Variants in TEAD2 observed in about 807,000 individuals in gnomAD.
TEAD2 encodes TEA domain transcription factor 2, also known as transcriptional enhancer factor TEF-4.
In TEAD2, 51 loss-of-function variants were observed where a neutral mutation model predicts 61.4. The ratio of observed to expected loss-of-function variants is 0.83; its 90% CI spans 0.66 to 1.05. The LOEUF is 1.05. TEAD2 is among the 50% of genes least tolerant of loss of function. The pLI is 0.00. For synonymous variants in TEAD2, 244 were observed against 243.2 expected (o/e 1.00, Z -0.03); for missense variants, 509 against 600.0 (o/e 0.85, Z 1.58).
intron 10 of TEAD2, among the ~76,000 whole-genome samples, chr19:49,344,944 C>T (rs577002655): frequency 6.6e-6 from 1 of 152,336 alleles, no homozygotes; most frequent in Non-Finnish European, 1.5e-5. Context: ...TTGCGAGGCG[C>T]ACCTCTTCCT....
At chr19:49,355,912 A>C (rs1470324876) in intron 5 of TEAD2, 47 bp downstream of exon 5, 1 of 1,293,674 alleles carries the variant, frequency 7.7e-7, no homozygotes, top group Non-Finnish European at 9.8e-7. Flanking sequence ...GGGACAGGGC[A>C]CTAGTTTGGA....
chr19:49,346,765 A>C (rs1346901624), intron 10 of TEAD2, among the ~76,000 whole-genome samples: 1 of 152,228 alleles, frequency 6.6e-6, no homozygotes, highest in Non-Finnish European at 1.5e-5. Context: ...AGGTCTGGTG[A>C]AACTGATGCA....
At chr19:49,353,613 C>T (rs963419957) in intron 7 of TEAD2, among the ~76,000 whole-genome samples, 4 of 152,112 alleles carry the variant, frequency 2.6e-5, no homozygotes, top group African/African-American at 4.8e-5. Context: ...GAAACCCCAG[C>T]GTCAGGGCAG....
Position 49,360,943 on chromosome 19 carries a change from G to A in TEAD2, c.-6-862C>T, listed in dbSNP as rs1185187601. On this transcript the variant is annotated intron_variant, in intron 1 of 12. Coordinates refer to ENST00000593945, the MANE Select transcript of TEAD2 (RefSeq NM_001256660.2). ...AAGGGGACAGAGACCCAGTGAAGGG[G>A]GGGACAGAGACCAGTGACGGAGGGG... Among the ~76,000 whole-genome samples the A allele has an allele frequency of 3.8e-5, 5 of 130,700 alleles. No homozygotes were observed. The South Asian group carries it at 1.2e-3, about 31-fold the overall frequency. 85.7% of individuals were successfully genotyped at this position (130,700 alleles called of 152,430 possible). A position where few individuals can be genotyped will look rare whatever the true frequency, so the allele number is the denominator to read the frequency against.
Position 49,343,241 on chromosome 19 carries a change from T to C in TEAD2, c.1079A>G (p.Glu360Gly). 1 of 1,610,978 alleles carries C rather than the reference T, an allele frequency of 6.2e-7. No homozygotes were observed. ...CCCCTCCAGCCTCACCTCCACCTTC[T>C]CCACCACCTGCTTGCCAAAAGAGCA... ...KVCSFGKQVV[E>G]KVETERAQLE... The change falls in exon 11 of 13, where the codon GAG becomes GGG. Residue 360 changes from glutamate to glycine, a missense_variant. Coordinates refer to ENST00000593945, the MANE Select transcript of TEAD2 (RefSeq NM_001256660.2).
intron 10 of TEAD2, among the ~76,000 whole-genome samples, chr19:49,344,659 T>C (rs30006): frequency 0.27 from 40,726 of 152,042 alleles, 5,728 homozygotes; most frequent in African/African-American, 0.34. Context: ...GGCAGTTACT[T>C]CTTAGCAACC....
At chr19:49,343,730 C>T (rs1971450032) in intron 10 of TEAD2, among the ~76,000 whole-genome samples, 2 of 150,274 alleles carry the variant, frequency 1.3e-5, no homozygotes, top group Admixed American at 1.3e-4. Flanking sequence ...GAGAGCGAAA[C>T]TCCATCTTAA....
chr19:49,355,049 A>ACATACATACATACAT, intron 7 of TEAD2, 99 bp downstream of exon 7: 1 of 762,380 alleles, frequency 1.3e-6, no homozygotes, highest in Non-Finnish European at 2.3e-6. Flanking sequence ...ATACATACAT[A>ACATACATACATACAT]AATGGGGGGA....
At chr19:49,356,035 C>T (rs1163092328) in intron 4 of TEAD2, 65 bp from the exon 5 acceptor site, 10 of 1,207,826 alleles carry the variant, frequency 8.3e-6, no homozygotes, top group Admixed American at 7.8e-5. Flanking sequence ...AAGTACGGCC[C>T]GGACTCCCCC....
chr19:49,359,720 G>A lies in TEAD2; in HGVS notation c.232+124C>T. 1.8e-6 allele frequency: 2 copies of A among 1,118,396 alleles called. 1 individual carries two copies. 69.3% of individuals were successfully genotyped at this position (1,118,396 alleles called of 1,614,324 possible). On this transcript the variant is annotated intron_variant, in intron 2 of 12. Transcript: ENST00000593945. The surrounding 1 kb of genome is among the most constrained non-coding windows in gnomAD (Gnocchi z 4.1). ...CATAAGCAAATCACTTAACCTAGCT[G>A]TGCCTCAGTTTCCTCATCTGTGCAA...
chr19:49,346,258 A>G (rs976758186), intron 10 of TEAD2, among the ~76,000 whole-genome samples: 4 of 152,128 alleles, frequency 2.6e-5, no homozygotes, highest in Non-Finnish European at 4.4e-5. Context: ...CAAACCAAGT[A>G]GCCCTAAGAA....
chr19:49,351,816 T>A (rs1443953287), intron 7 of TEAD2, among the ~76,000 whole-genome samples: 1 of 151,756 alleles, frequency 6.6e-6, no homozygotes, highest in Non-Finnish European at 1.5e-5. Flanking sequence ...TGAAATCCCA[T>A]CTCTACTAAA....
Position 49,357,390 on chromosome 19 carries a change from G to A in TEAD2, c.298-76C>T. On this transcript the variant is annotated intron_variant, in intron 3 of 12. Transcript: ENST00000593945. The stretch of plus-strand genomic sequence containing the variant: ...GTTCACTACCCCTTCTCTCCCTCCA[G>A]GTGCCTCACTGAGCTGCTGGACCAT... 2.7e-6 allele frequency: 4 copies of A among 1,457,634 alleles called. No individual in the cohort carries two copies. The South Asian group carries it at 4.6e-5, about 17-fold the overall frequency. The allele number at this position is 1,457,634 out of a possible 1,614,324, so 90.3% of individuals were successfully genotyped here. A position where few individuals can be genotyped will look rare whatever the true frequency, so the allele number is the denominator to read the frequency against.
At chr19:49,343,590 T>C (rs1971438717) in intron 10 of TEAD2, among the ~76,000 whole-genome samples, 192 bp from the exon 11 acceptor site, 3 of 152,078 alleles carry the variant, frequency 2.0e-5, no homozygotes, top group Non-Finnish European at 4.4e-5. Context: ...AAATACAAAA[T>C]TAGCCGGGCG....
intron 3 of TEAD2, among the ~76,000 whole-genome samples, chr19:49,358,954 G>A (rs987652090): frequency 6.6e-6 from 1 of 152,024 alleles, no homozygotes; most frequent in East Asian, 2.0e-4. Context: ...GCCTTGCCAG[G>A]CACAGTAGCT....
rs1376754781 is a variant in TEAD2 at position 49,341,710 on chromosome 19, G to A, written c.1243-273C>T. Among the ~76,000 whole-genome samples, 1 of 152,084 alleles carries A rather than the reference G, an allele frequency of 6.6e-6. No individual in the cohort carries two copies. The highest frequency in any genetic ancestry group is 2.4e-5 in the African/African-American group (1 of 41,424). On this transcript the variant is annotated intron_variant, in intron 12 of 12. Coordinates refer to ENST00000593945, the MANE Select transcript of TEAD2 (RefSeq NM_001256660.2). The surrounding 1 kb of genome is among the most constrained non-coding windows in gnomAD (Gnocchi z 4.2). ...ATCACATCACATTCCCTGGGTAAAA[G>A]GGGTCCCCATCATGTCACAAGTAAA... is the stretch of plus-strand genomic sequence containing the variant.
chr19:49,347,223 G>A lies in TEAD2; in HGVS notation c.888C>T (p.Gly296=). The change falls in exon 10 of 13, where the codon GGC becomes GGT. Residue 296 remains glycine (G), a synonymous_variant. Coordinates refer to ENST00000593945, the MANE Select transcript of TEAD2 (RefSeq NM_001256660.2). ...TGACCAGGAAGAAGGCATGGGGGGG[G>A]CCACGATCATATAGCTCTCGGAGGC... ...KGGLRELYDR[G]PPHAFFLVKF... The A allele has an allele frequency of 1.2e-6, 2 of 1,614,032 alleles. No individual in the cohort carries two copies. The highest frequency in any genetic ancestry group is 8.5e-7 in the Non-Finnish European group (1 of 1,179,988).
intron 7 of TEAD2, among the ~76,000 whole-genome samples, chr19:49,354,060 AG>A (rs1272980018): frequency 6.6e-6 from 1 of 151,044 alleles, no homozygotes; most frequent in Non-Finnish European, 1.5e-5. Flanking sequence ...AGCCTCCCAA[AG>A]TGCTGGGATT....
At chr19:49,351,230 G>T in intron 8 of TEAD2, 71 bp downstream of exon 8, 1 of 1,412,076 alleles carries the variant, frequency 7.1e-7, no homozygotes, top group Non-Finnish European at 9.7e-7. Context: ...ATTGATGGAA[G>T]GTTGAAGGAA....
Sources: gnomAD v4.1 joint callset for allele counts (sites outside exome capture counted in the v4.1 genomes callset) on GRCh38, gnomAD v4.1.1 for gene constraint, Gnocchi (gnomAD v3.1) non-coding constraint, MANE v1.5 for transcripts, NCBI Gene and HGNC (gene_info 2026-07-23, HGNC 2026-07-21) for gene names.